The following ADORA2B variants were observed in gnomAD, a reference collection of about 807,000 sequenced individuals.
ADORA2B encodes the protein adenosine receptor A2b.
A neutral mutation model predicts 20.8 loss-of-function variants in ADORA2B; 18 were observed. The observed-to-expected ratio is 0.87, with a 90% CI of 0.60 to 1.29. ADORA2B has a LOEUF of 1.29. Among genes scored for constraint, ADORA2B ranks in the 50% most tolerant of loss-of-function variants. The pLI, the probability that ADORA2B is intolerant of heterozygous loss-of-function variation, is 0.00. For missense variants in ADORA2B, 441 were observed against 422.7 expected (o/e 1.04, Z -0.38); for synonymous variants, 179 against 178.3 (o/e 1.00, Z -0.03).
the ADORA2B span, among the ~76,000 whole-genome samples, chr17:15,874,095 T>TATATATGTATAC: frequency 0.023 from 3,285 of 145,036 alleles, 181 homozygotes; most frequent in African/African-American, 0.084. Context: ...TATATATGTA[T>TATATATGTATAC]ACACACACAC....
At chr17:15,851,891 T>C in the ADORA2B span, among the ~76,000 whole-genome samples, 1 of 152,344 alleles carries the variant, frequency 6.6e-6, no homozygotes, top group East Asian at 1.9e-4. Context: ...ACCCTCCCAC[T>C]CATACCATGC....
chr17:15,909,939 G>C, the ADORA2B span, among the ~76,000 whole-genome samples: 1 of 152,220 alleles, frequency 6.6e-6, no homozygotes, highest in African/African-American at 2.4e-5. Flanking sequence ...CAGTCCCTCA[G>C]AAGTGCTGGA....
intron 1 of ADORA2B, among the ~76,000 whole-genome samples, chr17:15,967,827 C>T (rs1375732808): frequency 6.6e-6 from 1 of 152,070 alleles, no homozygotes; most frequent in East Asian, 1.9e-4. Context: ...CGTCGTAGCC[C>T]TTTTTTGGAT....
At chr17:15,925,177 A>AG in the ADORA2B span, among the ~76,000 whole-genome samples, 1 of 152,150 alleles carries the variant, frequency 6.6e-6, no homozygotes, top group Non-Finnish European at 1.5e-5. Context: ...CTGAGATTAT[A>AG]GGCGCCTGCC....
At chr17:15,893,714 A>G in the ADORA2B span, among the ~76,000 whole-genome samples, 4 of 152,242 alleles carry the variant, frequency 2.6e-5, no homozygotes, top group South Asian at 4.1e-4. Context: ...CACAGTGTCT[A>G]TTAACACATT....
At chr17:15,874,066 G>GTATATATA in the ADORA2B span, among the ~76,000 whole-genome samples, 13 of 139,750 alleles carry the variant, frequency 9.3e-5, no homozygotes, top group African/African-American at 4.0e-4. Flanking sequence ...ATATGTGTGT[G>GTATATATA]TGTATATATA....
chr17:15,945,823 G>A (rs1039118457), intron 1 of ADORA2B, among the ~76,000 whole-genome samples: 1 of 152,172 alleles, frequency 6.6e-6, no homozygotes, highest in African/African-American at 2.4e-5. Context: ...ACAGCTCTAG[G>A]GGGTCCGGGG....
chr17:15,920,075 G>T, the ADORA2B span, among the ~76,000 whole-genome samples: 1 of 151,640 alleles, frequency 6.6e-6, no homozygotes. Context: ...ATTTTTTTTT[G>T]AAATCTTTTA....
chr17:15,957,946 T>G (rs1969989400), intron 1 of ADORA2B, among the ~76,000 whole-genome samples: 1 of 152,116 alleles, frequency 6.6e-6, no homozygotes, highest in Non-Finnish European at 1.5e-5. Flanking sequence ...GTTTGTTTTG[T>G]TTTTTAAACA....
At chr17:15,872,538 G>A in the ADORA2B span, among the ~76,000 whole-genome samples, 5 of 152,104 alleles carry the variant, frequency 3.3e-5, no homozygotes. Context: ...TATGAGCATG[G>A]GATGTGTTTC....
At chr17:15,968,901 C>T (rs1970152492) in intron 1 of ADORA2B, among the ~76,000 whole-genome samples, 1 of 152,134 alleles carries the variant, frequency 6.6e-6, no homozygotes, top group Non-Finnish European at 1.5e-5. Context: ...GGAGGGTGTG[C>T]AGGCATCTGT....
At chr17:15,894,507 G>A in the ADORA2B span, among the ~76,000 whole-genome samples, 1 of 152,230 alleles carries the variant, frequency 6.6e-6, no homozygotes, top group Non-Finnish European at 1.5e-5. Context: ...AGTTAGTGGG[G>A]CCAGGGAGGC....
chr17:15,882,298 C>G, the ADORA2B span, among the ~76,000 whole-genome samples: 2 of 152,162 alleles, frequency 1.3e-5, no homozygotes, highest in Admixed American at 1.3e-4. Context: ...ACCGGAAACT[C>G]AGCCACCCTG....
In ADORA2B at chr17:15,952,473, A is replaced by G. The variant is rs115740939; in HGVS notation, c.335+6890A>G. On this transcript the variant is annotated intron_variant, in intron 1 of 1. Transcript: ENST00000304222. Reference sequence around the variant, plus strand: ...CAGGGTCACACGGAAGCCGGGACTGAGGCAGCCTATCTTCCCAGGAGCCCT... The same window carrying G: ...CAGGGTCACACGGAAGCCGGGACTGGGGCAGCCTATCTTCCCAGGAGCCCT... Among the ~76,000 whole-genome samples the G allele has an allele frequency of 6.6e-3, 998 of 152,282 alleles. 11 individuals carry two copies. Among genetic ancestry groups the G allele is most frequent in the African/African-American group, 0.023 (942 of 41,556 alleles).
Position 15,974,921 on chromosome 17 carries a change from C to A in ADORA2B, c.578C>A (p.Pro193His), listed in dbSNP as rs747567089. 11 of 1,613,950 alleles carry A rather than the reference C, an allele frequency of 6.8e-6. No individual in the cohort carries two copies. Among genetic ancestry groups the A allele is most frequent in the Non-Finnish European group, 9.3e-6 (11 of 1,180,022 alleles). The change falls in exon 2 of 2, where the codon CCC becomes CAC. Residue 193 changes from proline (P) to histidine (H), a missense_variant. By Grantham distance (77) the Pro-to-His change is moderately conservative. Transcript: ENST00000304222. Reference sequence around the variant, plus strand: ...TTCAATTTCTTTGGGTGTGTTCTGCCCCCACTGCTTATAATGCTGGTGATC... The same window carrying A: ...TTCAATTTCTTTGGGTGTGTTCTGCACCCACTGCTTATAATGCTGGTGATC... The part of the protein sequence containing the change: ...VYFNFFGCVL[P>H]PLLIMLVIYI...
chr17:15,876,266 A>G, the ADORA2B span, among the ~76,000 whole-genome samples: 1 of 152,008 alleles, frequency 6.6e-6, no homozygotes, highest in African/African-American at 2.4e-5. Context: ...GAATTGTTCC[A>G]TTGTCTTCTA....
At chr17:15,900,010 T>G in the ADORA2B span, among the ~76,000 whole-genome samples, 2 of 152,024 alleles carry the variant, frequency 1.3e-5, no homozygotes. Flanking sequence ...TTTTATATTT[T>G]TAGTTGAGAC....
chr17:15,952,031 G>C (rs1268056542), intron 1 of ADORA2B, among the ~76,000 whole-genome samples: 1 of 152,220 alleles, frequency 6.6e-6, no homozygotes, highest in Non-Finnish European at 1.5e-5. Flanking sequence ...GCCTCATGCT[G>C]TGGACATTCC....
the ADORA2B span, chr17:15,850,755 G>GTGTGTC: frequency 2.5e-5 from 4 of 159,830 alleles, no homozygotes; most frequent in Non-Finnish European, 2.9e-5. Context: ...GTGTGTGTGT[G>GTGTGTC]TGTGTCTGTG....
Sources: allele counts gnomAD v4.1 joint callset (sites outside exome capture counted in the v4.1 genomes callset), GRCh38; gene constraint gnomAD v4.1.1; transcripts MANE v1.5; gene names NCBI Gene and HGNC (gene_info 2026-07-23, HGNC 2026-07-21).